Variants in COPS6 observed in about 807,000 individuals in gnomAD.
COPS6 encodes the protein COP9 signalosome complex subunit 6.
In COPS6, 9 loss-of-function variants were observed where a neutral mutation model predicts 41.0. The observed-to-expected ratio is 0.22, with a 90% CI of 0.13 to 0.38. The LOEUF is 0.38. Ranked by LOEUF, COPS6 falls within the 10% of genes least tolerant of loss-of-function variation. COPS6 has a pLI of 1.00. For missense variants in COPS6, 302 were observed against 436.7 expected (o/e 0.69, Z 2.75); for synonymous variants, 179 against 162.9 (o/e 1.10, Z -0.75).
rs770903599 is a variant in COPS6, at chr7:100,091,342, G to C, written c.742+12G>C. The stretch of plus-strand genomic sequence containing the variant: ...GGCCTCTGAAGCGGGTAGGACAGGG[G>C]CTTCCCTGGCATTCTTCCTCTCCCT... On this transcript the variant is annotated intron_variant, in intron 8 of 9. Coordinates refer to ENST00000303904, the MANE Select transcript of COPS6 (RefSeq NM_006833.5). The surrounding 1 kb of genome is among the most constrained non-coding windows in gnomAD (Gnocchi z 4.1). 6.2e-7 allele frequency: 1 copy of C among 1,613,864 alleles called. No individual in the cohort carries two copies. The highest frequency in any genetic ancestry group is 1.1e-5 in the South Asian group (1 of 91,086).
At chr7:100,089,866 G>C in intron 3 of COPS6, 120 bp downstream of exon 3, 1 of 937,674 alleles carries the variant, frequency 1.1e-6, no homozygotes, top group Admixed American at 2.8e-5. Flanking sequence ...GGGAGAAAAA[G>C]TGAAGAGTAG....
At position 100,088,983 on chromosome 7, in the gene COPS6, CG is replaced by C; in HGVS notation, c.-4del. ...GGGGCGGGGCCGAGGCTGGCGGGCGCGGGGAAAATGGCGGCGGCGGCGGCGG... is the reference window on the plus strand; with the variant it reads ...GGGGCGGGGCCGAGGCTGGCGGGCGCGGGAAAATGGCGGCGGCGGCGGCGG... On this transcript the variant is annotated 5_prime_UTR_variant, in exon 1 of 10. Coordinates refer to ENST00000303904, the MANE Select transcript of COPS6 (RefSeq NM_006833.5). The C allele has an allele frequency of 2.3e-6, 3 of 1,314,026 alleles. No homozygotes were observed. Among genetic ancestry groups the C allele is most frequent in the Non-Finnish European group, 1.9e-6 (2 of 1,028,578 alleles). 81.4% of individuals were successfully genotyped at this position (1,314,026 alleles called of 1,614,324 possible). A position where few individuals can be genotyped will look rare whatever the true frequency, so the allele number is the denominator to read the frequency against.
At chr7:100,089,488 T>G in intron 2 of COPS6, 73 bp downstream of exon 2, 1 of 1,606,840 alleles carries the variant, frequency 6.2e-7, no homozygotes, top group Non-Finnish European at 8.5e-7. Flanking sequence ...TTCCCCTTCC[T>G]CTACTGGAGC....
chr7:100,089,259 C>G, intron 1 of COPS6, 31 bp from the exon 2 acceptor site: 1 of 1,602,744 alleles, frequency 6.2e-7, no homozygotes, highest in South Asian at 1.1e-5. Flanking sequence ...GGCCCGGACT[C>G]TCACCCTCTC....
At chr7:100,089,175 T>C in intron 1 of COPS6, 109 bp downstream of exon 1, 1 of 1,515,114 alleles carries the variant, frequency 6.6e-7, no homozygotes, top group South Asian at 1.3e-5. Context: ...CATCTTTCCC[T>C]GGGATAAGTT....
rs1355680735 is a variant in COPS6 at position 100,091,092 on chromosome 7, C to T, written c.589C>T (p.Arg197Cys). 12 of 1,614,230 alleles carry T rather than the reference C, an allele frequency of 7.4e-6. No individual in the cohort carries two copies. Among genetic ancestry groups the T allele is most frequent in the African/African-American group, 1.3e-5 (1 of 75,054 alleles). ...CACTCTGGCCACAGAGGAAGCGGAACGCATTGGTGTAGACCACGTAGCCCG... is the reference window on the plus strand; with the variant it reads ...CACTCTGGCCACAGAGGAAGCGGAATGCATTGGTGTAGACCACGTAGCCCG... ...TYTLATEEAE[R>C]IGVDHVARMT... The change falls in exon 7 of 10, where the codon CGC becomes TGC. Residue 197 changes from arginine to cysteine, a missense_variant. Transcript: ENST00000303904. The surrounding 1 kb of genome is among the most constrained non-coding windows in gnomAD (Gnocchi z 4.1).
At chr7:100,090,195 A>G in intron 3 of COPS6, 1 of 568,948 alleles carries the variant, frequency 1.8e-6, no homozygotes, top group Non-Finnish European at 3.1e-6. Flanking sequence ...TAAAAATACA[A>G]AAATTAGTCT....
chr7:100,091,440 G>A lies in COPS6; in HGVS notation c.763G>A (p.Glu255Lys), dbSNP rs779129074. Residue 255 changes from glutamate to lysine, a missense_variant, in exon 9 of 10, where the codon GAG becomes AAG. Physicochemically the swap from Glu to Lys is moderately conservative, Grantham distance 56 (BLOSUM62 1). Coordinates refer to ENST00000303904, the MANE Select transcript of COPS6 (RefSeq NM_006833.5). The surrounding 1 kb of genome is among the most constrained non-coding windows in gnomAD (Gnocchi z 4.1). ...TTTAGGAGAGGTCCCCTTTAATCAT[G>A]AGATCCTGCGGGAGGCCTATGCTCT... ...SEAGEVPFNHEILREAYALCH... is the reference protein window; with the variant it reads ...SEAGEVPFNHKILREAYALCH... The A allele has an allele frequency of 6.2e-7, 1 of 1,614,134 alleles. No individual in the cohort carries two copies. The highest frequency in any genetic ancestry group is 1.1e-5 in the South Asian group (1 of 91,082).
rs1795334891 is a variant in COPS6, at chr7:100,091,963, TTCA to T, written c.*177_*179del. Reference sequence around the variant, plus strand: ...CCACACTGGTTGGTCAACTTGGATGTTCATCGAGGCTCATTCTGGCCTTGCTCA... The same window carrying T: ...CCACACTGGTTGGTCAACTTGGATGTTCGAGGCTCATTCTGGCCTTGCTCA... On this transcript the variant is annotated 3_prime_UTR_variant, in exon 10 of 10. Coordinates refer to ENST00000303904, the MANE Select transcript of COPS6 (RefSeq NM_006833.5). The surrounding 1 kb of genome is among the most constrained non-coding windows in gnomAD (Gnocchi z 4.1). 2.7e-6 allele frequency: 2 copies of T among 745,894 alleles called. No individual in the cohort carries two copies. The highest frequency in any genetic ancestry group is 2.9e-5 in the Admixed American group (1 of 34,708). The allele number at this position is 745,894 out of a possible 1,614,324, so 46.2% of individuals were successfully genotyped here.
Position 100,092,062 on chromosome 7 carries a change from C to G in COPS6, c.*273C>G, listed in dbSNP as rs1007419249. The G allele has an allele frequency of 4.1e-6, 2 of 482,752 alleles. No individual in the cohort carries two copies. The highest frequency in any genetic ancestry group is 3.9e-5 in the African/African-American group (2 of 51,572). The allele number at this position is 482,752 out of a possible 1,614,324, so 29.9% of individuals were successfully genotyped here. On this transcript the variant is annotated 3_prime_UTR_variant, in exon 10 of 10. Transcript: ENST00000303904. ...AGTGACCCCATGTCAGTCACATGGA[C>G]TGGTCTTTAGCAAAGTCCAAGGCTG...
chr7:100,090,661 AAT>A lies in COPS6; in HGVS notation c.486+9_486+10del. 6.2e-7 allele frequency: 1 copy of A among 1,612,152 alleles called. No individual in the cohort carries two copies. The highest frequency in any genetic ancestry group is 8.5e-7 in the Non-Finnish European group (1 of 1,178,170). ...TATGACCAAGCACACAGATGTGAGT[AAT>A]ACTCCATGCCTACTCTGTCATGATT... On this transcript the variant is annotated splice_region_variant and intron_variant, in intron 5 of 9. Coordinates refer to ENST00000303904, the MANE Select transcript of COPS6 (RefSeq NM_006833.5).
At position 100,091,590 on chromosome 7, in the gene COPS6, T is replaced by TGTTCCCC; in HGVS notation, c.844-57_844-51dup. Reference sequence around the variant, plus strand: ...TTTCACGTGCAGGACTGGGGACTGTTGTTCCCCGGGCATGCCACGAGGGAT... The same window carrying TGTTCCCC: ...TTTCACGTGCAGGACTGGGGACTGTTGTTCCCCGTTCCCCGGGCATGCCACGAGGGAT... On this transcript the variant is annotated intron_variant, in intron 9 of 9. Coordinates refer to ENST00000303904, the MANE Select transcript of COPS6 (RefSeq NM_006833.5). The surrounding 1 kb of genome is among the most constrained non-coding windows in gnomAD (Gnocchi z 4.1). 2 of 1,613,768 alleles carry TGTTCCCC rather than the reference T, an allele frequency of 1.2e-6. No individual in the cohort carries two copies. Among genetic ancestry groups the TGTTCCCC allele is most frequent in the Non-Finnish European group, 1.7e-6 (2 of 1,179,666 alleles).
chr7:100,088,985 G>A lies in COPS6; in HGVS notation c.-6G>A, dbSNP rs1795271753. 1.5e-6 allele frequency: 2 copies of A among 1,315,350 alleles called. No individual in the cohort carries two copies. The highest frequency in any genetic ancestry group is 1.9e-6 in the Non-Finnish European group (2 of 1,029,112). 81.5% of individuals were successfully genotyped at this position (1,315,350 alleles called of 1,614,324 possible). ...GGCGGGGCCGAGGCTGGCGGGCGCG[G>A]GGAAAATGGCGGCGGCGGCGGCGGC... On this transcript the variant is annotated 5_prime_UTR_variant, in exon 1 of 10. Coordinates refer to ENST00000303904, the MANE Select transcript of COPS6 (RefSeq NM_006833.5).
chr7:100,090,874 T>C, intron 5 of COPS6, 28 bp from the exon 6 acceptor site: 8 of 1,613,588 alleles, frequency 5.0e-6, no homozygotes, highest in South Asian at 1.1e-5. Context: ...TGGCATATAG[T>C]GTTCAGGTTT....
rs1446193045 is a variant in COPS6 at position 100,092,132 on chromosome 7, C to T, written c.*343C>T. ...TCTCTGTTCTACACTTTAATGTCAC[C>T]CTCTACATCATCTTACCTAGCCCAC... is the stretch of plus-strand genomic sequence containing the variant. On this transcript the variant is annotated 3_prime_UTR_variant, in exon 10 of 10. Coordinates refer to ENST00000303904, the MANE Select transcript of COPS6 (RefSeq NM_006833.5). The T allele has an allele frequency of 3.8e-6, 1 of 265,152 alleles. No homozygotes were observed. Among genetic ancestry groups the T allele is most frequent in the East Asian group, 7.9e-5 (1 of 12,652 alleles). 16.4% of individuals were successfully genotyped at this position (265,152 alleles called of 1,614,324 possible).
In COPS6 at chr7:100,089,925, A is replaced by C. The variant is rs1028007356; in HGVS notation, c.334+179A>C. 9 of 608,180 alleles carry C rather than the reference A, an allele frequency of 1.5e-5. No individual in the cohort carries two copies. The Admixed American group carries it at 2.5e-4, about 17-fold the overall frequency. The allele number at this position is 608,180 out of a possible 1,614,324, so 37.7% of individuals were successfully genotyped here. A position where few individuals can be genotyped will look rare whatever the true frequency, so the allele number is the denominator to read the frequency against. ...AACGTTCAGAGTTCTTTCTCAAAAG[A>C]AAGCAAAGGATGAGAGGAGACAGGA... On this transcript the variant is annotated intron_variant, in intron 3 of 9. Transcript: ENST00000303904.
At chr7:100,089,785 TA>T (rs371859953) in intron 3 of COPS6, 39 bp downstream of exon 3, 20,263 of 1,335,040 alleles carry the variant, frequency 0.015, 1 homozygote, top group Admixed American at 0.025. Context: ...GAGTGGGAGT[TA>T]AAAAAAAAAT....
In COPS6 at chr7:100,089,707, A is replaced by G. The variant is rs750043113; in HGVS notation, c.295A>G (p.Ile99Val). The G allele has an allele frequency of 1.9e-6, 3 of 1,614,076 alleles. No individual in the cohort carries two copies. Among genetic ancestry groups the G allele is most frequent in the Admixed American group, 3.3e-5 (2 of 60,004 alleles). ...LLSHTVEEKI[I>V]IDKEYYYTKE... Reference sequence around the variant, plus strand: ...GTCCCACACCGTGGAAGAGAAGATTATCATTGACAAGGAATATTATTACAC... The same window carrying G: ...GTCCCACACCGTGGAAGAGAAGATTGTCATTGACAAGGAATATTATTACAC... The change falls in exon 3 of 10, where the codon ATC becomes GTC. Residue 99 changes from isoleucine (I) to valine (V), a missense_variant. Coordinates refer to ENST00000303904, the MANE Select transcript of COPS6 (RefSeq NM_006833.5).
At position 100,091,396 on chromosome 7, in the gene COPS6, TGTA is replaced by T. The variant is rs538337867; in HGVS notation, c.743-21_743-19del. On this transcript the variant is annotated intron_variant, in intron 8 of 9. Coordinates refer to ENST00000303904, the MANE Select transcript of COPS6 (RefSeq NM_006833.5). The surrounding 1 kb of genome is among the most constrained non-coding windows in gnomAD (Gnocchi z 4.1). ...GGGGAAGTGACAGCATCCAAACTAA[TGTA>T]GTCTCTTTTTGTGCCTTTAGGAGAG... 7.1e-5 allele frequency: 115 copies of T among 1,613,098 alleles called. No homozygotes were observed. The highest frequency in any genetic ancestry group is 8.9e-5 in the Non-Finnish European group (105 of 1,179,044).
Sources: gnomAD v4.1 joint callset for allele counts on GRCh38, gnomAD v4.1.1 for gene constraint, Gnocchi (gnomAD v3.1) non-coding constraint, MANE v1.5 for transcripts, NCBI Gene and HGNC (gene_info 2026-07-23, HGNC 2026-07-21) for gene names.